NDUFS4: variants seen among roughly 807,000 people sequenced by gnomAD.
NDUFS4 encodes NADH dehydrogenase [ubiquinone] iron-sulfur protein 4, mitochondrial.
In NDUFS4, 28 loss-of-function variants were observed where a neutral mutation model predicts 24.3. The observed-to-expected ratio is 1.15, with a 90% CI of 0.85 to 1.58. The LOEUF (loss-of-function observed/expected upper bound fraction) is 1.58. NDUFS4 is among the 40% of genes most tolerant of loss of function. The pLI is 0.00. For synonymous variants in NDUFS4, 93 were observed against 69.7 expected (o/e 1.34, Z -1.67); for missense variants, 223 against 207.9 (o/e 1.07, Z -0.45).
chr5:53,587,717 A>G (rs924891431), intron 1 of NDUFS4, among the ~76,000 whole-genome samples: 2 of 152,028 alleles, frequency 1.3e-5, no homozygotes, highest in African/African-American at 4.8e-5. Context: ...AGCTGGAACC[A>G]CAGGCATGTG....
intron 2 of NDUFS4, among the ~76,000 whole-genome samples, chr5:53,604,386 A>G (rs921767763): frequency 6.6e-6 from 1 of 152,248 alleles, no homozygotes; most frequent in African/African-American, 2.4e-5. Flanking sequence ...AAATAAATGT[A>G]TAAGTAAATA....
At chr5:53,570,319 C>G (rs967750280) in intron 1 of NDUFS4, among the ~76,000 whole-genome samples, 1 of 152,048 alleles carries the variant, frequency 6.6e-6, no homozygotes, top group Non-Finnish European at 1.5e-5. Context: ...CAGCCTGGTG[C>G]CTTTGAACTT....
At chr5:53,600,153 C>G (rs1311935827) in intron 1 of NDUFS4, among the ~76,000 whole-genome samples, 8 of 151,968 alleles carry the variant, frequency 5.3e-5, no homozygotes, top group Admixed American at 5.2e-4. Context: ...GCATGCACCA[C>G]CACGCCCAGC....
At chr5:53,631,498 C>T (rs1442252170) in intron 2 of NDUFS4, among the ~76,000 whole-genome samples, 1 of 152,174 alleles carries the variant, frequency 6.6e-6, no homozygotes, top group Non-Finnish European at 1.5e-5. Context: ...GCCCCTTCCC[C>T]CAGGTGCTCT....
At chr5:53,575,909 A>G (rs538399062) in intron 1 of NDUFS4, among the ~76,000 whole-genome samples, 3 of 152,334 alleles carry the variant, frequency 2.0e-5, no homozygotes, top group East Asian at 1.9e-4. Flanking sequence ...TTCACATACC[A>G]TAATCTTGGA....
At chr5:53,584,261 AATAG>A (rs1749669229) in intron 1 of NDUFS4, among the ~76,000 whole-genome samples, 1 of 152,254 alleles carries the variant, frequency 6.6e-6, no homozygotes, top group South Asian at 2.1e-4. Flanking sequence ...CGTAAGACAT[AATAG>A]ATATTTCATA....
At chr5:53,589,397 C>T (rs754686746) in intron 1 of NDUFS4, among the ~76,000 whole-genome samples, 4 of 152,272 alleles carry the variant, frequency 2.6e-5, no homozygotes, top group East Asian at 1.9e-4. Flanking sequence ...AATGCTACTC[C>T]GTGTATCCTC....
chr5:53,624,288 C>T (rs1751150803), intron 2 of NDUFS4, among the ~76,000 whole-genome samples: 2 of 152,052 alleles, frequency 1.3e-5, no homozygotes, highest in African/African-American at 2.4e-5. Flanking sequence ...TTTATGAGTC[C>T]TCCAGCTTTG....
At chr5:53,586,772 C>G (rs1313581026) in intron 1 of NDUFS4, among the ~76,000 whole-genome samples, 1 of 151,940 alleles carries the variant, frequency 6.6e-6, no homozygotes, top group Non-Finnish European at 1.5e-5. Context: ...ATCCGCCTGC[C>G]TTGGCCTCCT....
At chr5:53,647,829 C>CT (rs1561385064) in intron 3 of NDUFS4, among the ~76,000 whole-genome samples, 1 of 152,008 alleles carries the variant, frequency 6.6e-6, no homozygotes, top group African/African-American at 2.4e-5. Flanking sequence ...ACTTGGGAGA[C>CT]TTTTTTTAGA....
chr5:53,578,723 GCTC>G (rs760219882), intron 1 of NDUFS4, among the ~76,000 whole-genome samples: 8 of 152,008 alleles, frequency 5.3e-5, no homozygotes, highest in Admixed American at 1.3e-4. Flanking sequence ...TCACTGTCCT[GCTC>G]CTCCTCGATG....
At chr5:53,620,192 T>G (rs11743262) in intron 2 of NDUFS4, among the ~76,000 whole-genome samples, 24,427 of 152,068 alleles carry the variant, frequency 0.16, 1,969 homozygotes, top group Middle Eastern at 0.18. Context: ...CAGAATGCTT[T>G]TAGAGAAGAT....
At chr5:53,643,836 A>T (rs536122189) in intron 2 of NDUFS4, among the ~76,000 whole-genome samples, 2 of 152,248 alleles carry the variant, frequency 1.3e-5, no homozygotes, top group East Asian at 3.9e-4. Context: ...CTGCATGCAA[A>T]AACTGATTCT....
At chr5:53,678,623 T>C (rs998198920) in intron 4 of NDUFS4, among the ~76,000 whole-genome samples, 1 of 152,156 alleles carries the variant, frequency 6.6e-6, no homozygotes, top group Non-Finnish European at 1.5e-5. Context: ...TATTTTCACT[T>C]CCATATTCCC....
At chr5:53,678,890 C>T (rs561658036) in intron 4 of NDUFS4, among the ~76,000 whole-genome samples, 1 of 152,206 alleles carries the variant, frequency 6.6e-6, no homozygotes, top group East Asian at 1.9e-4. Context: ...AGCTCAGCTT[C>T]CCTGTTTGCT....
In NDUFS4 at chr5:53,668,039, G is replaced by A. The variant is rs182845654; in HGVS notation, c.424+9415G>A. On this transcript the variant is annotated intron_variant, in intron 4 of 4. Transcript: ENST00000296684. ...TAGTAAAATATGACAAAGGTTATAC[G>A]TTTATGGGCATTAATGCTTGCCTTT... Among the ~76,000 whole-genome samples, 6 of 152,252 alleles carry A rather than the reference G, an allele frequency of 3.9e-5. No homozygotes were observed. In the East Asian group the frequency reaches 5.8e-4, roughly 15 times the overall value.
rs184760299 is a variant in NDUFS4, at chr5:53,681,200, G to T, written c.425-1918G>T. ...AATGTAGCATAATAGGTAAGTTGTA[G>T]CCTCCAGAATCTGGCCGTCTGTGTT... On this transcript the variant is annotated intron_variant, in intron 4 of 4. Coordinates refer to ENST00000296684, the MANE Select transcript of NDUFS4 (RefSeq NM_002495.4). Among the ~76,000 whole-genome samples, 10 of 152,212 alleles carry T rather than the reference G, an allele frequency of 6.6e-5. No homozygotes were observed. In the East Asian group the frequency reaches 1.7e-3, roughly 26 times the overall value.
intron 2 of NDUFS4, among the ~76,000 whole-genome samples, chr5:53,619,139 A>AATAATT (rs1750946903): frequency 6.8e-6 from 1 of 147,318 alleles, no homozygotes; most frequent in African/African-American, 2.5e-5. Context: ...TAATAATAAT[A>AATAATT]ATTACTGGTT....
intron 1 of NDUFS4, among the ~76,000 whole-genome samples, chr5:53,575,698 T>G (rs1293514179): frequency 6.6e-6 from 1 of 151,974 alleles, no homozygotes. Flanking sequence ...TGCACCACCA[T>G]GTCTGGCTAA....
Sources: allele counts gnomAD v4.1 joint callset (sites outside exome capture counted in the v4.1 genomes callset), GRCh38; gene constraint gnomAD v4.1.1; transcripts MANE v1.5; gene names NCBI Gene and HGNC (gene_info 2026-07-23, HGNC 2026-07-21).